VWDE: variants seen among roughly 807,000 people sequenced by gnomAD.
The protein encoded by VWDE is von Willebrand factor D and EGF domain-containing protein.
VWDE carries 207 observed loss-of-function variants against 178.4 expected under a neutral mutation model. That is an observed-to-expected ratio of 1.16 (90% confidence interval 1.04 to 1.30). The LOEUF (loss-of-function observed/expected upper bound fraction) is 1.30, where lower values mean the gene tolerates loss of function less well. VWDE is among the 50% of genes most tolerant of loss of function. The pLI is 0.00. For missense variants in VWDE, 2,287 were observed against 1,901.3 expected (o/e 1.20, Z -3.77); for synonymous variants, 738 against 651.4 (o/e 1.13, Z -2.02).
intron 18 of VWDE, among the ~76,000 whole-genome samples, chr7:12,353,642 T>G (rs1583293389): frequency 3.4e-4 from 1 of 2,974 alleles, no homozygotes; most frequent in Non-Finnish European, 1.3e-3. Flanking sequence ...ATTTGAAGTA[T>G]TTTCTTAACT....
Position 12,331,056 on chromosome 7 carries a change from G to T in VWDE, c.*127C>A. On this transcript the variant is annotated 3_prime_UTR_variant, in exon 29 of 29. Transcript: ENST00000275358. ...ACAGAGATCATTATGTATTTTATTAGTTTCTTCAGTCTTTAAGATATTTTT... is the reference window on the plus strand; with the variant it reads ...ACAGAGATCATTATGTATTTTATTATTTTCTTCAGTCTTTAAGATATTTTT... 4 of 668,104 alleles carry T rather than the reference G, an allele frequency of 6.0e-6. No homozygotes were observed. The highest frequency in any genetic ancestry group is 3.3e-5 in the Admixed American group (1 of 29,984). 41.4% of individuals were successfully genotyped at this position (668,104 alleles called of 1,614,324 possible). A position where few individuals can be genotyped will look rare whatever the true frequency, so the allele number is the denominator to read the frequency against.
At chr7:12,362,078 T>C (rs1410388099) in intron 13 of VWDE, among the ~76,000 whole-genome samples, 1 of 152,046 alleles carries the variant, frequency 6.6e-6, no homozygotes, top group Non-Finnish European at 1.5e-5. Flanking sequence ...AGATGTCATG[T>C]CAGTTGGCCT....
At chr7:12,402,135 T>C (rs1438773241) in intron 1 of VWDE, among the ~76,000 whole-genome samples, 2 of 152,208 alleles carry the variant, frequency 1.3e-5, no homozygotes, top group East Asian at 3.8e-4. Flanking sequence ...TCCTTATCGC[T>C]GGGGAGAAAG....
rs973968211 is a variant in VWDE at position 12,369,956 on chromosome 7, C to T, written c.2350G>A (p.Ala784Thr). ...ELTYFFPEDH[A>T]EDVQQEFFPS... Reference sequence around the variant, plus strand: ...AAAAACTCTTGCTGTACATCCTCAGCATGGTCCTCTGGGAAAAAATAAGTA... The same window carrying T: ...AAAAACTCTTGCTGTACATCCTCAGTATGGTCCTCTGGGAAAAAATAAGTA... Residue 784 changes from alanine to threonine, a missense_variant, in exon 12 of 29, where the codon GCT (alanine) becomes ACT (threonine). Ala to Thr is a moderately conservative substitution (Grantham distance 58). Coordinates refer to ENST00000275358, the MANE Select transcript of VWDE (RefSeq NM_001135924.3). 3.9e-6 allele frequency: 6 copies of T among 1,551,368 alleles called. No homozygotes were observed. In the Admixed American group the frequency reaches 1.2e-4, roughly 30 times the overall value.
chr7:12,345,587 GT>G (rs1454660994), intron 19 of VWDE, among the ~76,000 whole-genome samples: 4 of 152,148 alleles, frequency 2.6e-5, no homozygotes, highest in Admixed American at 2.6e-4. Context: ...TCTTCATACT[GT>G]GTGTAACCTT....
chr7:12,390,460 G>A (rs756226883), intron 2 of VWDE, among the ~76,000 whole-genome samples: 18 of 151,752 alleles, frequency 1.2e-4, no homozygotes, highest in African/African-American at 1.9e-4. Context: ...CTAAAAAATC[G>A]TTAGCCAGGT....
At chr7:12,379,662 G>T in intron 5 of VWDE, 96 bp from the exon 6 acceptor site, 1 of 781,662 alleles carries the variant, frequency 1.3e-6, no homozygotes, top group Non-Finnish European at 2.0e-6. Context: ...ATTCTTCATA[G>T]ATAGTATATA....
chr7:12,354,254 CTAAA>C (rs1782100498), intron 18 of VWDE: 2 of 345,860 alleles, frequency 5.8e-6, no homozygotes, highest in Non-Finnish European at 1.1e-5. Flanking sequence ...TGCATTTACA[CTAAA>C]TAAATACATG....
At chr7:12,377,568 T>A in intron 7 of VWDE, 1 of 368,536 alleles carries the variant, frequency 2.7e-6, no homozygotes, top group Non-Finnish European at 4.8e-6. Flanking sequence ...TTTTTTAAAA[T>A]GTATGCTTTC....
Position 12,369,867 on chromosome 7 carries a change from A to G in VWDE, c.2439T>C (p.Thr813=). ...GCCTTCCTATGCTGGAGTTGGCTAG[A>G]GTCTCCTGACAGAGGGTCAAGGTGC... ...EYSTLTLCQE[T]LANSSIGRLC... is the part of the protein sequence containing the mutation. Residue 813 remains threonine, a synonymous_variant, in exon 12 of 29, where the codon ACT becomes ACC. Transcript: ENST00000275358. 1 of 1,551,494 alleles carries G rather than the reference A, an allele frequency of 6.4e-7. No individual in the cohort carries two copies. Among genetic ancestry groups the G allele is most frequent in the African/African-American group, 1.4e-5 (1 of 73,144 alleles).
intron 19 of VWDE, among the ~76,000 whole-genome samples, chr7:12,346,622 C>CGG (rs549048666): frequency 7.3e-6 from 1 of 136,502 alleles, no homozygotes; most frequent in African/African-American, 2.7e-5. Context: ...TTGGCGGGGG[C>CGG]GGGGGGGATC....
At chr7:12,390,494 T>C (rs1052338485) in intron 2 of VWDE, among the ~76,000 whole-genome samples, 1 of 151,900 alleles carries the variant, frequency 6.6e-6, no homozygotes, top group Non-Finnish European at 1.5e-5. Context: ...ATTATTTCTA[T>C]GCTTCAAAGC....
At position 12,403,792 on chromosome 7, in the gene VWDE, C is replaced by T. The variant is rs1785033257; in HGVS notation, c.-76G>A. On this transcript the variant is annotated 5_prime_UTR_variant, in exon 1 of 29. Coordinates refer to ENST00000275358, the MANE Select transcript of VWDE (RefSeq NM_001135924.3). ...TGCCAGGAGGATGGGGCCACAGCAG[C>T]CCCTCGGGCCTCCTTTCTTGGATTT... The T allele has an allele frequency of 6.9e-6, 10 of 1,441,138 alleles. No homozygotes were observed. In the Admixed American group the frequency reaches 1.8e-4, roughly 26 times the overall value. The allele number at this position is 1,441,138 out of a possible 1,614,324, so 89.3% of individuals were successfully genotyped here. A position where few individuals can be genotyped will look rare whatever the true frequency, so the allele number is the denominator to read the frequency against.
At position 12,340,415 on chromosome 7, in the gene VWDE, A is replaced by G. The variant is rs747671077; in HGVS notation, c.4273T>C (p.Leu1425=). ...CCATTGAGGCAGACAGGGTCGCACA[A>G]AGCTAATAAACAGCAGGAGGAAAAG... The part of the protein sequence containing the change: ...GWYGPTCSTA[L]CDPVCLNGGS... Residue 1425 remains leucine, a splice_region_variant and synonymous_variant, in exon 24 of 29, where the codon TTG becomes CTG. Transcript: ENST00000275358. 1.3e-6 allele frequency: 2 copies of G among 1,549,598 alleles called. No individual in the cohort carries two copies. The highest frequency in any genetic ancestry group is 1.7e-6 in the Non-Finnish European group (2 of 1,145,988).
In VWDE at chr7:12,347,568, A is replaced by G. The variant is rs186731695; in HGVS notation, c.3887-3099T>C. The stretch of plus-strand genomic sequence containing the variant: ...CTATTAGAAAATAATAACATAACAG[A>G]AAGCTCAGAAATATATCTCAACATA... On this transcript the variant is annotated intron_variant, in intron 19 of 28. Coordinates refer to ENST00000275358, the MANE Select transcript of VWDE (RefSeq NM_001135924.3). 3.4e-3 allele frequency among the ~76,000 whole-genome samples: 524 copies of G among 152,288 alleles called. 9 individuals carry two copies. The highest frequency in any genetic ancestry group is 0.012 in the African/African-American group (500 of 41,572).
chr7:12,344,458 A>T lies in VWDE; in HGVS notation c.3898T>A (p.Tyr1300Asn), dbSNP rs772387107. The part of the protein sequence containing the change: ...TSGNAFTICK[Y>N]PCGKSRECVA... ...CACTCCCTACTTTTTCCACATGGAT[A>T]TTTACAAATGGCTAAAAAAAAATCA... is the stretch of plus-strand genomic sequence containing the variant. Residue 1300 changes from tyrosine (Y) to asparagine (N), a missense_variant, in exon 20 of 29, where the codon TAT becomes AAT. Physicochemically the swap from Tyr to Asn is moderately radical, Grantham distance 143 (BLOSUM62 -2). Coordinates refer to ENST00000275358, the MANE Select transcript of VWDE (RefSeq NM_001135924.3). The T allele has an allele frequency of 1.3e-6, 2 of 1,549,580 alleles. No homozygotes were observed. Among genetic ancestry groups the T allele is most frequent in the Admixed American group, 2.0e-5 (1 of 50,712 alleles).
intron 3 of VWDE, among the ~76,000 whole-genome samples, chr7:12,384,329 G>C (rs532061279): frequency 6.6e-5 from 10 of 152,008 alleles, no homozygotes; most frequent in Non-Finnish European, 1.0e-4. Flanking sequence ...AAGAGCTGTG[G>C]TTGTCTGGGG....
rs1040374786 is a variant in VWDE, at chr7:12,340,378, T to C, written c.4310A>G (p.Asn1437Ser). 12 of 1,551,406 alleles carry C rather than the reference T, an allele frequency of 7.7e-6. No individual in the cohort carries two copies. The highest frequency in any genetic ancestry group is 8.7e-6 in the Non-Finnish European group (10 of 1,146,880). ...DPVCLNGGSC[N>S]KPNTCLCPNG... ...TGGACAGAGGCAAGTATTTGGCTTA[T>C]TACACGAACCACCATTGAGGCAGAC... Residue 1437 changes from asparagine (N) to serine (S), a missense_variant, in exon 24 of 29, where the codon AAT (asparagine) becomes AGT (serine). Asn to Ser is a conservative substitution (Grantham distance 46, BLOSUM62 1). Transcript: ENST00000275358.
rs78493184 is a variant in VWDE, at chr7:12,336,042, T to A, written c.4654+99A>T. 19 of 843,116 alleles carry A rather than the reference T, an allele frequency of 2.3e-5. No individual in the cohort carries two copies. In the East Asian group the frequency reaches 5.0e-4, roughly 22 times the overall value. 52.2% of individuals were successfully genotyped at this position (843,116 alleles called of 1,614,324 possible). On this transcript the variant is annotated intron_variant, in intron 27 of 28. Transcript: ENST00000275358. ...TTTAAAAAGGATCAGCATGCTGGAGTTTTTTCCCCCTTATGGACTTGTCCT... is the reference window on the plus strand; with the variant it reads ...TTTAAAAAGGATCAGCATGCTGGAGATTTTTCCCCCTTATGGACTTGTCCT...
Sources: allele counts gnomAD v4.1 joint callset (sites outside exome capture counted in the v4.1 genomes callset), GRCh38; gene constraint gnomAD v4.1.1; transcripts MANE v1.5; gene names NCBI Gene and HGNC (gene_info 2026-07-23, HGNC 2026-07-21).